Variants in TSHZ3 observed in about 807,000 individuals in gnomAD.
TSHZ3 encodes the protein teashirt zinc finger homeobox 3.
Under a neutral mutation model 64.5 loss-of-function variants are expected in TSHZ3, and 10 were observed. The observed-to-expected ratio is 0.16, with a 90% CI of 0.10 to 0.26. The LOEUF (loss-of-function observed/expected upper bound fraction) is 0.26. Ranked by LOEUF, TSHZ3 falls within the 10% of genes least tolerant of loss-of-function variation. The pLI is 1.00. For synonymous variants in TSHZ3, 608 were observed against 593.1 expected (o/e 1.03, Z -0.36); for missense variants, 1,242 against 1,421.7 (o/e 0.87, Z 2.03).
chr19:31,250,733 T>C (rs2145191288), intron 1 of TSHZ3, among the ~76,000 whole-genome samples: 1 of 152,280 alleles, frequency 6.6e-6, no homozygotes, highest in Middle Eastern at 3.4e-3. Flanking sequence ...ATCTCATCTG[T>C]GAAGTGGGGA....
At chr19:31,315,938 A>AT (rs35132496) in intron 1 of TSHZ3, among the ~76,000 whole-genome samples, 9,512 of 151,268 alleles carry the variant, frequency 0.063, 383 homozygotes, top group Admixed American at 0.13. Flanking sequence ...GACATCGACC[A>AT]TTTTTTTTTC....
intron 1 of TSHZ3, among the ~76,000 whole-genome samples, chr19:31,287,593 AAG>A (rs781561003): frequency 2.9e-4 from 44 of 151,786 alleles, no homozygotes; most frequent in Non-Finnish European, 4.9e-4. Context: ...CAGAGGGAGA[AAG>A]AGAGATGGGA....
intron 5 of TSHZ3, among the ~76,000 whole-genome samples, chr19:31,185,018 C>T (rs1599567954): frequency 1.3e-5 from 2 of 152,196 alleles, no homozygotes; most frequent in African/African-American, 4.8e-5. Context: ...CAGAACTGTA[C>T]CCTCCTGAGA....
At chr19:31,348,516 G>A (rs1487441787) in intron 1 of TSHZ3, among the ~76,000 whole-genome samples, 2 of 150,042 alleles carry the variant, frequency 1.3e-5, no homozygotes, top group African/African-American at 4.9e-5. Context: ...ACACGTCCCA[G>A]AACTAAGTGC....
At chr19:31,189,332 C>T (rs1974865447) in intron 5 of TSHZ3, among the ~76,000 whole-genome samples, 1 of 151,754 alleles carries the variant, frequency 6.6e-6, no homozygotes, top group Non-Finnish European at 1.5e-5. Context: ...AAGTTTAGTG[C>T]ATTGAATTTT....
chr19:31,216,360 A>G (rs1214986056), intron 4 of TSHZ3, among the ~76,000 whole-genome samples: 3 of 152,114 alleles, frequency 2.0e-5, no homozygotes, highest in Non-Finnish European at 4.4e-5. Flanking sequence ...GGAGGGACCT[A>G]ATGGCCATGC....
At chr19:31,204,271 G>GC (rs1555725980) in intron 5 of TSHZ3, among the ~76,000 whole-genome samples, 1 of 149,012 alleles carries the variant, frequency 6.7e-6, no homozygotes, top group East Asian at 2.0e-4. Context: ...TTCTTCTCTT[G>GC]CTCCCTCTCT....
intron 1 of TSHZ3, among the ~76,000 whole-genome samples, chr19:31,326,667 G>C (rs541250606): frequency 4.5e-4 from 69 of 152,322 alleles, no homozygotes; most frequent in Middle Eastern, 3.4e-3. Context: ...TCTTCAGGAG[G>C]CTCATTATTT....
chr19:31,287,642 A>G (rs1431232053), intron 1 of TSHZ3, among the ~76,000 whole-genome samples: 1 of 152,078 alleles, frequency 6.6e-6, no homozygotes, highest in Non-Finnish European at 1.5e-5. Context: ...GGCGTAGGGG[A>G]GAGAGAGGCC....
In TSHZ3 at chr19:31,209,363, T is replaced by G. The variant is rs956127260; in HGVS notation, n.687-4285A>C. 9.8e-5 allele frequency among the ~76,000 whole-genome samples: 15 copies of G among 152,290 alleles called. No individual in the cohort carries two copies. The South Asian group carries it at 1.2e-3, about 13-fold the overall frequency. On this transcript the variant is annotated intron_variant and non_coding_transcript_variant, in intron 4 of 6. Transcript: ENST00000651361. ...GACACTTGCCATTTGCTGGGTCCCC[T>G]GCTAGGGAGACAGGACAGAGTAGTG...
chr19:31,342,470 A>G (rs1414410848), intron 1 of TSHZ3, among the ~76,000 whole-genome samples: 2 of 152,266 alleles, frequency 1.3e-5, no homozygotes, highest in African/African-American at 4.8e-5. Context: ...TACATAAAGG[A>G]GAAAGCACAT....
chr19:31,307,980 C>T (rs1462465690), intron 1 of TSHZ3, among the ~76,000 whole-genome samples: 1 of 152,172 alleles, frequency 6.6e-6, no homozygotes, highest in Non-Finnish European at 1.5e-5. Flanking sequence ...TTTTTCTGTC[C>T]TATCATGTAG....
chr19:31,199,041 G>A (rs1021305072), intron 5 of TSHZ3, among the ~76,000 whole-genome samples: 3 of 152,106 alleles, frequency 2.0e-5, no homozygotes, highest in Non-Finnish European at 4.4e-5. Context: ...CAATAATCAA[G>A]ATGATGTGGT....
intron 5 of TSHZ3, among the ~76,000 whole-genome samples, chr19:31,184,071 C>T (rs1324263079): frequency 2.0e-5 from 3 of 152,068 alleles, no homozygotes; most frequent in South Asian, 4.2e-4. Flanking sequence ...TCATAAAGGG[C>T]ACATTCAAAA....
At chr19:31,270,439 G>A (rs1294247625), downstream of TSHZ3, among the ~76,000 whole-genome samples, 1 of 152,132 alleles carries the variant, frequency 6.6e-6, no homozygotes, top group Non-Finnish European at 1.5e-5. Flanking sequence ...CCAAGTACCT[G>A]GGATTACAGG....
intron 5 of TSHZ3, among the ~76,000 whole-genome samples, chr19:31,194,084 G>T (rs368732747): frequency 6.6e-6 from 1 of 150,890 alleles, no homozygotes; most frequent in Admixed American, 6.6e-5. Context: ...TTACTAGATA[G>T]AAATTCATGA....
At chr19:31,269,112 A>T (rs992631210) in intron 1 of TSHZ3, among the ~76,000 whole-genome samples, 2 of 152,108 alleles carry the variant, frequency 1.3e-5, no homozygotes, top group Non-Finnish European at 2.9e-5. Flanking sequence ...CTGTCATAGC[A>T]GCCCTTCAAA....
At chr19:31,272,799 A>G (rs142060724), downstream of TSHZ3, among the ~76,000 whole-genome samples, 1 of 152,320 alleles carries the variant, frequency 6.6e-6, no homozygotes, top group African/African-American at 2.4e-5. Context: ...TGATGGTCGG[A>G]AGATATACAG....
chr19:31,161,364 A>G (rs1044245228), intron 5 of TSHZ3, among the ~76,000 whole-genome samples: 1 of 152,198 alleles, frequency 6.6e-6, no homozygotes, highest in East Asian at 1.9e-4. Context: ...TTAAGGCAGA[A>G]CAACATATTT....
Sources: gnomAD v4.1 joint callset for allele counts (sites outside exome capture counted in the v4.1 genomes callset) on GRCh38, gnomAD v4.1.1 for gene constraint, MANE v1.5 for transcripts, NCBI Gene and HGNC (gene_info 2026-07-23, HGNC 2026-07-21) for gene names.